DHTKD1: variants seen among roughly 807,000 people sequenced by gnomAD.
The protein encoded by DHTKD1 is dehydrogenase E1 and transketolase domain containing 1, also known as 2-oxoadipate dehydrogenase complex component E1.
In DHTKD1, 78 loss-of-function variants were observed where a neutral mutation model predicts 101.8. The observed-to-expected ratio is 0.77, with a 90% CI of 0.64 to 0.93. DHTKD1 has a LOEUF of 0.93. DHTKD1 is among the 40% of genes least tolerant of loss of function. The probability of loss-of-function intolerance (pLI) is 0.00; values close to 1 mark genes in which losing one functional copy is unlikely to be tolerated. For synonymous variants in DHTKD1, 462 were observed against 450.3 expected (o/e 1.03, Z -0.33); for missense variants, 1,223 against 1,161.7 (o/e 1.05, Z -0.77).
chr10:12,071,977 C>T (rs1048945277), intron 1 of DHTKD1, among the ~76,000 whole-genome samples: 25 of 152,024 alleles, frequency 1.6e-4, no homozygotes, highest in African/African-American at 5.3e-4. Flanking sequence ...AAACTATTAC[C>T]GTGTTTTATT....
intron 12 of DHTKD1, among the ~76,000 whole-genome samples, chr10:12,111,002 C>T (rs1402840428): frequency 1.4e-5 from 2 of 143,768 alleles, no homozygotes; most frequent in African/African-American, 2.6e-5. Flanking sequence ...GCTGAGGTTG[C>T]ACCACTGCAT....
chr10:12,094,645 A>C (rs2131362955), intron 7 of DHTKD1, among the ~76,000 whole-genome samples: 1 of 148,782 alleles, frequency 6.7e-6, no homozygotes, highest in East Asian at 2.1e-4. Flanking sequence ...GCAGGACATG[A>C]AACTTTAAGA....
rs9943322 is a variant in DHTKD1, at chr10:12,091,839, C to T, written c.1159+155C>T. Among the ~76,000 whole-genome samples, 4,800 of 152,030 alleles carry T rather than the reference C, an allele frequency of 0.032. 229 individuals carry two copies. Among genetic ancestry groups the T allele is most frequent in the African/African-American group, 0.11 (4,517 of 41,420 alleles). ...TAATTTTTTGAGATGGAGTCTTGCT[C>T]TGTCACCCAGCCTGTAGTGCAGCAG... On this transcript the variant is annotated intron_variant, in intron 6 of 16. Coordinates refer to ENST00000263035, the MANE Select transcript of DHTKD1 (RefSeq NM_018706.7).
chr10:12,100,289 T>TTTTTTTTTTTTTG, intron 9 of DHTKD1, 27 bp downstream of exon 9: 2 of 819,406 alleles, frequency 2.4e-6, no homozygotes, highest in East Asian at 2.9e-5. Flanking sequence ...TTTTTTCTGT[T>TTTTTTTTTTTTTG]TTTTTTTTTT....
At chr10:12,072,731 T>C (rs1025898264) in intron 1 of DHTKD1, among the ~76,000 whole-genome samples, 2 of 151,520 alleles carry the variant, frequency 1.3e-5, no homozygotes, top group South Asian at 2.1e-4. Context: ...GATTCATGGG[T>C]GTTCTTCCTT....
At chr10:12,090,427 T>TC (rs780811460) in intron 5 of DHTKD1, among the ~76,000 whole-genome samples, 5 of 75,132 alleles carry the variant, frequency 6.7e-5, no homozygotes, top group Admixed American at 2.8e-4. Flanking sequence ...CTTCCTTCCT[T>TC]TTTCCTTCCT....
intron 13 of DHTKD1, among the ~76,000 whole-genome samples, chr10:12,114,864 C>A (rs1198919039): frequency 6.6e-6 from 1 of 151,710 alleles, no homozygotes; most frequent in Non-Finnish European, 1.5e-5. Flanking sequence ...GCTGCGATCT[C>A]GGCTCACTGC....
At chr10:12,091,849 G>C (rs1832995466) in intron 6 of DHTKD1, among the ~76,000 whole-genome samples, 165 bp downstream of exon 6, 1 of 151,846 alleles carries the variant, frequency 6.6e-6, no homozygotes, top group African/African-American at 2.4e-5. Context: ...CTGTCACCCA[G>C]CCTGTAGTGC....
At chr10:12,098,061 G>T (rs1833102057) in intron 8 of DHTKD1, 65 bp downstream of exon 8, 3 of 1,460,908 alleles carry the variant, frequency 2.1e-6, no homozygotes, top group African/African-American at 2.8e-5. Flanking sequence ...GCTGACGTTG[G>T]TCTGGTGTTT....
At chr10:12,080,427 T>C (rs1287838566) in intron 1 of DHTKD1, among the ~76,000 whole-genome samples, 1 of 151,692 alleles carries the variant, frequency 6.6e-6, no homozygotes, top group Admixed American at 6.6e-5. Flanking sequence ...TTTTAAAATA[T>C]GTGGGCCAGG....
rs1265208450 is a variant in DHTKD1, at chr10:12,110,834, T to G, written c.2155-2066T>G. 6.6e-6 allele frequency among the ~76,000 whole-genome samples: 1 copy of G among 151,984 alleles called. No individual in the cohort carries two copies. Among genetic ancestry groups the G allele is most frequent in the Non-Finnish European group, 1.5e-5 (1 of 67,998 alleles). ...GTGGGTGGATATCTTGCTCAGGAGT[T>G]TGAGACCAGCCTGGGCAACATGGTG... On this transcript the variant is annotated intron_variant, in intron 12 of 16. Coordinates refer to ENST00000263035, the MANE Select transcript of DHTKD1 (RefSeq NM_018706.7). The surrounding 1 kb of genome is among the most constrained non-coding windows in gnomAD (Gnocchi z 4.9).
intron 1 of DHTKD1, among the ~76,000 whole-genome samples, chr10:12,072,637 C>T (rs1052948815): frequency 2.0e-5 from 3 of 152,042 alleles, no homozygotes; most frequent in Non-Finnish European, 4.4e-5. Flanking sequence ...TGTACTTTCA[C>T]CTCTGTAAAC....
chr10:12,074,304 C>G, intron 1 of DHTKD1, among the ~76,000 whole-genome samples: 1 of 152,028 alleles, frequency 6.6e-6, no homozygotes, highest in Non-Finnish European at 1.5e-5. Flanking sequence ...CCTCAGTCTC[C>G]TCAGTAGCTG....
At position 12,076,975 on chromosome 10, in the gene DHTKD1, TAAAAAAAAAAA is replaced by T. The variant is rs61096299; in HGVS notation, c.155-4487_155-4477del. Among the ~76,000 whole-genome samples the T allele has an allele frequency of 1.6e-4, 10 of 61,834 alleles. No homozygotes were observed. The South Asian group carries it at 8.3e-3, about 51-fold the overall frequency. The allele number at this position is 61,834 out of a possible 152,430, so 40.6% of individuals were successfully genotyped here. ...CCAGCCAGCCAGACCCTGTTTCTGA[TAAAAAAAAAAA>T]AAAAAAAAAGGAAGAAAAAAGAACA... On this transcript the variant is annotated intron_variant, in intron 1 of 16. Coordinates refer to ENST00000263035, the MANE Select transcript of DHTKD1 (RefSeq NM_018706.7).
At chr10:12,069,221 G>T (rs1384114100) in intron 1 of DHTKD1, 34 bp downstream of exon 1, 4 of 1,514,552 alleles carry the variant, frequency 2.6e-6, no homozygotes, top group Middle Eastern at 2.3e-4. Flanking sequence ...GGGAGCGGGG[G>T]CTGGGACGCA....
At chr10:12,091,736 A>G in intron 6 of DHTKD1, 52 bp downstream of exon 6, 3 of 1,543,818 alleles carry the variant, frequency 1.9e-6, no homozygotes, top group African/African-American at 1.4e-5. Flanking sequence ...TGGAATTCCT[A>G]GGGAAACCTC....
intron 1 of DHTKD1, among the ~76,000 whole-genome samples, chr10:12,078,482 C>A (rs758289086): frequency 3.3e-5 from 5 of 151,938 alleles, no homozygotes; most frequent in East Asian, 1.9e-4. Flanking sequence ...CATGGCGGCA[C>A]GCACCTGCAA....
rs55809304 is a variant in DHTKD1 at position 12,103,491 on chromosome 10, CTGTG to C, written c.1896+2344_1896+2347del. On this transcript the variant is annotated intron_variant, in intron 10 of 16. Transcript: ENST00000263035. This position sits in a 1 kb window ranked among gnomAD's most constrained non-coding sequence, Gnocchi z 4.8. ...CCCCAACTTCGTTGTACATCTCAATCTGTGTGTGTGTGTGTGTGTGTGTGTGTGT... is the reference window on the plus strand; with the variant it reads ...CCCCAACTTCGTTGTACATCTCAATCTGTGTGTGTGTGTGTGTGTGTGTGT... 0.5 allele frequency among the ~76,000 whole-genome samples: 72,113 copies of C among 144,824 alleles called. 18,693 individuals are homozygous for C. The highest frequency in any genetic ancestry group is 0.63 in the Middle Eastern group (181 of 286).
At chr10:12,115,995 A>G (rs1272891555) in intron 13 of DHTKD1, among the ~76,000 whole-genome samples, 1 of 151,684 alleles carries the variant, frequency 6.6e-6, no homozygotes, top group Non-Finnish European at 1.5e-5. Flanking sequence ...CAATGGCACA[A>G]TATCAGCTCA....
Sources: gnomAD v4.1 joint callset for allele counts (sites outside exome capture counted in the v4.1 genomes callset) on GRCh38, gnomAD v4.1.1 for gene constraint, Gnocchi (gnomAD v3.1) non-coding constraint, MANE v1.5 for transcripts, NCBI Gene and HGNC (gene_info 2026-07-23, HGNC 2026-07-21) for gene names.